Variants in FER observed in about 807,000 individuals in gnomAD.
The protein encoded by FER is tyrosine-protein kinase Fer.
A neutral mutation model predicts 111.0 loss-of-function variants in FER; 63 were observed. That is an observed-to-expected ratio of 0.57 (90% CI 0.46 to 0.70). The LOEUF is 0.70. Among genes scored for constraint, FER ranks in the 30% least tolerant of loss-of-function variants. The probability of loss-of-function intolerance (pLI) is 0.00; values close to 1 mark genes in which losing one functional copy is unlikely to be tolerated. For missense variants in FER, 914 were observed against 954.0 expected (o/e 0.96, Z 0.55); for synonymous variants, 327 against 313.9 (o/e 1.04, Z -0.44).
intron 17 of FER, among the ~76,000 whole-genome samples, chr5:109,169,198 C>T (rs138071632): frequency 4.5e-4 from 69 of 152,008 alleles, no homozygotes; most frequent in Middle Eastern, 6.8e-3. Flanking sequence ...TGTAGAGCTA[C>T]AAGAAAAGTA....
At chr5:108,869,745 A>G (rs1764428316) in intron 6 of FER, among the ~76,000 whole-genome samples, 1 of 152,116 alleles carries the variant, frequency 6.6e-6, no homozygotes, top group African/African-American at 2.4e-5. Context: ...TGACTTCCAC[A>G]GCCTCTGAAA....
At chr5:108,976,062 T>C (rs1232918359) in intron 13 of FER, among the ~76,000 whole-genome samples, 1 of 152,212 alleles carries the variant, frequency 6.6e-6, no homozygotes, top group African/African-American at 2.4e-5. Flanking sequence ...GTCACCAATA[T>C]GTAGAGAAAA....
At chr5:109,145,125 A>G (rs528902231) in intron 17 of FER, among the ~76,000 whole-genome samples, 1 of 152,074 alleles carries the variant, frequency 6.6e-6, no homozygotes, top group East Asian at 1.9e-4. Flanking sequence ...TGGCAAACTC[A>G]GCTATAGAGA....
chr5:109,057,272 A>G (rs1368851681), intron 16 of FER, among the ~76,000 whole-genome samples: 1 of 152,230 alleles, frequency 6.6e-6, no homozygotes, highest in Non-Finnish European at 1.5e-5. Context: ...AAAAGAAACA[A>G]TATAGATAGC....
chr5:109,011,297 A>G (rs995673793), intron 13 of FER, among the ~76,000 whole-genome samples: 4 of 152,214 alleles, frequency 2.6e-5, no homozygotes, highest in Non-Finnish European at 5.9e-5. Flanking sequence ...TCTAAAAATT[A>G]GAGATGGATA....
chr5:108,801,809 C>T (rs536915711), intron 3 of FER, among the ~76,000 whole-genome samples: 6 of 152,220 alleles, frequency 3.9e-5, no homozygotes, highest in African/African-American at 1.4e-4. Context: ...TTTGGCATAT[C>T]CAAATTACCG....
intron 13 of FER, among the ~76,000 whole-genome samples, chr5:108,972,500 C>T (rs1760793668): frequency 6.6e-6 from 1 of 152,148 alleles, no homozygotes; most frequent in African/African-American, 2.4e-5. Flanking sequence ...AAGTCTTCTT[C>T]CTCAGCTTAC....
At chr5:108,879,434 C>T (rs891057175) in intron 8 of FER, among the ~76,000 whole-genome samples, 1 of 151,712 alleles carries the variant, frequency 6.6e-6, no homozygotes, top group Non-Finnish European at 1.5e-5. Context: ...GTGTGTTATT[C>T]CCCTCCCTGT....
At chr5:108,861,273 A>G (rs570637186) in intron 5 of FER, among the ~76,000 whole-genome samples, 5 of 152,284 alleles carry the variant, frequency 3.3e-5, no homozygotes, top group African/African-American at 1.2e-4. Context: ...AGTTTATAAT[A>G]AAAAAAGTGA....
intron 3 of FER, among the ~76,000 whole-genome samples, chr5:108,799,373 G>C (rs955033739): frequency 6.6e-6 from 1 of 151,980 alleles, no homozygotes; most frequent in Non-Finnish European, 1.5e-5. Context: ...TTCACTTTTG[G>C]GTCTTAGGAT....
At chr5:108,787,798 C>T (rs1394647907) in intron 2 of FER, among the ~76,000 whole-genome samples, 1 of 152,116 alleles carries the variant, frequency 6.6e-6, no homozygotes, top group South Asian at 2.1e-4. Flanking sequence ...CTGAGTTGGG[C>T]ACACATTGGG....
chr5:108,966,775 A>G (rs1397720830), intron 13 of FER, among the ~76,000 whole-genome samples: 2 of 152,106 alleles, frequency 1.3e-5, no homozygotes, highest in African/African-American at 2.4e-5. Context: ...AATGTACAAT[A>G]TTTCTGATAT....
chr5:108,959,277 A>G lies in FER; in HGVS notation c.1586A>G (p.Asp529Gly). 2 of 1,612,092 alleles carry G rather than the reference A, an allele frequency of 1.2e-6. No homozygotes were observed. Among genetic ancestry groups the G allele is most frequent in the Non-Finnish European group, 8.5e-7 (1 of 1,178,770 alleles). ...TTTTCAAACATTCCTCAACTTATAGATCATCACTATACAACAAAACAGGTC... is the reference window on the plus strand; with the variant it reads ...TTTTCAAACATTCCTCAACTTATAGGTCATCACTATACAACAAAACAGGTC... Reference protein sequence around the residue: ...TGFSNIPQLIDHHYTTKQVIT... With the variant: ...TGFSNIPQLIGHHYTTKQVIT... The change falls in exon 13 of 20, where the codon GAT (aspartate) becomes GGT (glycine). Residue 529 changes from aspartate (D) to glycine (G), a missense_variant. Asp to Gly is a moderately conservative substitution (Grantham distance 94). Around this residue, in one of 3 missense-constraint regions of FER, gnomAD observed 774 missense variants for 782.6 expected, o/e 0.99. Transcript: ENST00000281092.
At chr5:109,041,661 C>A (rs768053301) in intron 14 of FER, among the ~76,000 whole-genome samples, 1 of 152,120 alleles carries the variant, frequency 6.6e-6, no homozygotes, top group African/African-American at 2.4e-5. Context: ...CTTTAAATGT[C>A]TATTGAAATT....
At chr5:108,969,735 A>G (rs1760381852) in intron 13 of FER, among the ~76,000 whole-genome samples, 2 of 148,182 alleles carry the variant, frequency 1.3e-5, no homozygotes. Flanking sequence ...AATTATTGAT[A>G]AGAAGACAAA....
chr5:108,950,797 C>T (rs1017135184), intron 11 of FER, among the ~76,000 whole-genome samples: 1 of 151,934 alleles, frequency 6.6e-6, no homozygotes, highest in Admixed American at 6.6e-5. Context: ...GCATAAAATA[C>T]ACTTTCCTAC....
At chr5:108,828,145 C>T (rs1263883997) in intron 3 of FER, among the ~76,000 whole-genome samples, 2 of 152,142 alleles carry the variant, frequency 1.3e-5, no homozygotes, top group African/African-American at 4.8e-5. Context: ...ACTGGGATTA[C>T]AGATATGAGC....
chr5:109,063,116 A>G (rs973286705), intron 16 of FER, among the ~76,000 whole-genome samples: 1 of 152,228 alleles, frequency 6.6e-6, no homozygotes, highest in Non-Finnish European at 1.5e-5. Context: ...TATTGTTCTC[A>G]TAAATGTCTT....
chr5:108,827,610 T>G (rs954595681), intron 3 of FER, among the ~76,000 whole-genome samples: 10 of 152,138 alleles, frequency 6.6e-5, no homozygotes, highest in African/African-American at 2.4e-4. Flanking sequence ...AATTTGACTT[T>G]ATATTATTTG....
Sources: allele counts gnomAD v4.1 joint callset (sites outside exome capture counted in the v4.1 genomes callset), GRCh38; gene constraint gnomAD v4.1.1; regional missense constraint gnomAD v4.1.1; transcripts MANE v1.5; gene names NCBI Gene and HGNC (gene_info 2026-07-23, HGNC 2026-07-21).